CACNA1B: variants seen among roughly 807,000 people sequenced by gnomAD.
The protein encoded by CACNA1B is calcium voltage-gated channel subunit alpha1 B.
A neutral mutation model predicts 247.2 loss-of-function variants in CACNA1B; 70 were observed. The ratio of observed to expected loss-of-function variants is 0.28; its 90% CI spans 0.23 to 0.35. CACNA1B has a LOEUF of 0.35. Among genes scored for constraint, CACNA1B ranks in the 10% least tolerant of loss-of-function variants. The probability of loss-of-function intolerance (pLI) is 1.00; values close to 1 mark genes in which losing one functional copy is unlikely to be tolerated. For missense variants in CACNA1B, 2,367 were observed against 3,197.4 expected (o/e 0.74, Z 6.26); for synonymous variants, 1,231 against 1,294.4 (o/e 0.95, Z 1.05).
chr9:138,066,319 C>T (rs947930714), intron 31 of CACNA1B, among the ~76,000 whole-genome samples: 32 of 152,188 alleles, frequency 2.1e-4, no homozygotes, highest in African/African-American at 5.1e-4. Flanking sequence ...CGCTGGCTCA[C>T]GCCTGTACTC....
At chr9:137,924,628 A>C (rs960241728) in intron 6 of CACNA1B, among the ~76,000 whole-genome samples, 1 of 152,336 alleles carries the variant, frequency 6.6e-6, no homozygotes, top group South Asian at 2.1e-4. Flanking sequence ...GAGAATTGAC[A>C]TCATTACTAT....
chr9:138,084,619 C>G (rs1323445158), intron 36 of CACNA1B, among the ~76,000 whole-genome samples: 1 of 151,200 alleles, frequency 6.6e-6, no homozygotes, highest in African/African-American at 2.4e-5. Flanking sequence ...ATTTGTTTTA[C>G]CAGATGTACA....
chr9:137,986,881 G>T lies in CACNA1B; in HGVS notation c.1974+27G>T, dbSNP rs199661159. The T allele has an allele frequency of 1.3e-6, 2 of 1,555,876 alleles. No individual in the cohort carries two copies. The highest frequency in any genetic ancestry group is 2.2e-5 in the East Asian group (1 of 44,456). Reference sequence around the variant, plus strand: ...TAAGGCACCTGCTCTGCACATTTGCGGCCTGCCCGGCTCCCGTCTCCCCTG... The same window carrying T: ...TAAGGCACCTGCTCTGCACATTTGCTGCCTGCCCGGCTCCCGTCTCCCCTG... On this transcript the variant is annotated intron_variant, in intron 15 of 46. Transcript: ENST00000371372. The surrounding 1 kb of genome is among the most constrained non-coding windows in gnomAD (Gnocchi z 6.0).
chr9:137,942,921 C>T (rs1416201427), intron 6 of CACNA1B, among the ~76,000 whole-genome samples: 5 of 152,136 alleles, frequency 3.3e-5, no homozygotes, highest in East Asian at 1.9e-4. Context: ...AAAGAACTTA[C>T]GCATGTAACC....
At chr9:138,112,815 C>T (rs1961689195) in intron 40 of CACNA1B, among the ~76,000 whole-genome samples, 1 of 152,210 alleles carries the variant, frequency 6.6e-6, no homozygotes, top group Non-Finnish European at 1.5e-5. Context: ...CCAACTCCAT[C>T]TTGTGAGAGA....
At chr9:138,094,442 T>TAAAAAAAAA (rs753995157) in intron 36 of CACNA1B, among the ~76,000 whole-genome samples, 14 of 93,696 alleles carry the variant, frequency 1.5e-4, no homozygotes, top group Admixed American at 3.4e-4. Context: ...TTTACTACAG[T>TAAAAAAAAA]AAAAAAAAAA....
intron 35 of CACNA1B, among the ~76,000 whole-genome samples, chr9:138,077,418 A>G (rs1291570872): frequency 6.6e-6 from 1 of 152,040 alleles, no homozygotes; most frequent in Non-Finnish European, 1.5e-5. Context: ...TGGAACCGAG[A>G]TGGGGGTGAA....
intron 3 of CACNA1B, among the ~76,000 whole-genome samples, chr9:137,909,316 C>G (rs916468347): frequency 1.3e-5 from 2 of 152,038 alleles, no homozygotes; most frequent in Non-Finnish European, 2.9e-5. Flanking sequence ...TTTTATTGCC[C>G]CAAACAGAAA....
chr9:138,020,689 C>T lies in CACNA1B; in HGVS notation c.2268-2322C>T, dbSNP rs983162694. On this transcript the variant is annotated intron_variant, in intron 18 of 46. Coordinates refer to ENST00000371372, the MANE Select transcript of CACNA1B (RefSeq NM_000718.4). The surrounding 1 kb of genome is among the most constrained non-coding windows in gnomAD (Gnocchi z 4.1). ...TGCGGGGGGCGGGCAGGTGCCCTAG[C>T]GTAGGCTGCTCAGCATGTTGCTCTG... Among the ~76,000 whole-genome samples the T allele has an allele frequency of 1.2e-4, 19 of 152,138 alleles. No individual in the cohort carries two copies. The highest frequency in any genetic ancestry group is 3.1e-4 in the African/African-American group (13 of 41,422).
intron 26 of CACNA1B, among the ~76,000 whole-genome samples, chr9:138,055,837 C>T (rs1355739751): frequency 4.6e-5 from 7 of 152,026 alleles, no homozygotes; most frequent in Non-Finnish European, 1.0e-4. Context: ...CCAGCCTGGT[C>T]AAAATAGTGA....
intron 10 of CACNA1B, among the ~76,000 whole-genome samples, chr9:137,967,827 G>A (rs965842407): frequency 1.3e-5 from 2 of 152,078 alleles, no homozygotes; most frequent in Admixed American, 6.6e-5. Flanking sequence ...GCTTCCCTCC[G>A]TTTGTCTCAT....
intron 19 of CACNA1B, among the ~76,000 whole-genome samples, chr9:138,024,504 C>G (rs1056999943): frequency 5.3e-5 from 8 of 152,210 alleles, no homozygotes; most frequent in African/African-American, 1.9e-4. Context: ...GGACTAAAGA[C>G]ACGGAGGTGT....
At chr9:137,886,315 A>AGCTCTTAAGGACCTCAGGCCAC (rs1380684465) in intron 3 of CACNA1B, among the ~76,000 whole-genome samples, 21 of 151,980 alleles carry the variant, frequency 1.4e-4, no homozygotes, top group Admixed American at 7.9e-4. Context: ...GCTAGGGCGC[A>AGCTCTTAAGGACCTCAGGCCAC]GCTCTTAAGG....
intron 10 of CACNA1B, among the ~76,000 whole-genome samples, chr9:137,966,981 A>ATT (rs1261295213): frequency 3.6e-4 from 49 of 136,396 alleles, no homozygotes; most frequent in East Asian, 9.7e-4. Flanking sequence ...TTTTTTTTAA[A>ATT]AAAAAAACCC....
chr9:138,121,863 C>G lies in CACNA1B; in HGVS notation c.6884C>G (p.Ser2295Cys), dbSNP rs962086885. Residue 2295 changes from serine (S) to cysteine (C), a missense_variant, in exon 47 of 47, where the codon TCC (serine) becomes TGC (cysteine). Ser to Cys is a moderately radical substitution (Grantham distance 112, BLOSUM62 -1). This residue lies in a region of CACNA1B where 773 missense variants were observed against 779.4 expected (regional missense o/e 0.99). Coordinates refer to ENST00000371372, the MANE Select transcript of CACNA1B (RefSeq NM_000718.4). The surrounding 1 kb of genome is among the most constrained non-coding windows in gnomAD (Gnocchi z 6.8). Reference sequence around the variant, plus strand: ...AACTCGGGCCGCTCCTCCAGGACTTCCTACGTGTCCTCCCTGACCTCCCAG... The same window carrying G: ...AACTCGGGCCGCTCCTCCAGGACTTGCTACGTGTCCTCCCTGACCTCCCAG... ...ATNSGRSSRT[S>C]YVSSLTSQSH... 3.1e-6 allele frequency: 5 copies of G among 1,613,392 alleles called. No homozygotes were observed. Among genetic ancestry groups the G allele is most frequent in the Non-Finnish European group, 4.2e-6 (5 of 1,179,890 alleles).
chr9:137,913,181 A>T lies in CACNA1B; in HGVS notation c.532A>T (p.Ile178Phe), dbSNP rs761951573. Residue 178 changes from isoleucine (I) to phenylalanine (F), a missense_variant and splice_region_variant, in exon 4 of 47, where the codon ATC becomes TTC. This residue lies in a region of CACNA1B where 130 missense variants were observed against 338.7 expected (regional missense o/e 0.38). Coordinates refer to ENST00000371372, the MANE Select transcript of CACNA1B (RefSeq NM_000718.4). The surrounding 1 kb of genome is among the most constrained non-coding windows in gnomAD (Gnocchi z 5.2). ...VMDFVVVLTG[I>F]LATAGTDFDL... ...CCTTCTTCTCCTTGTTTCTGCCAGG[A>T]TCCTTGCCACGGCTGGAACTGACTT... The T allele has an allele frequency of 6.2e-7, 1 of 1,613,532 alleles. No individual in the cohort carries two copies. The highest frequency in any genetic ancestry group is 8.5e-7 in the Non-Finnish European group (1 of 1,179,664).
chr9:138,013,441 C>G (rs1219707545), intron 18 of CACNA1B, among the ~76,000 whole-genome samples: 1 of 152,096 alleles, frequency 6.6e-6, no homozygotes, highest in African/African-American at 2.4e-5. Context: ...CAGGGTGTGG[C>G]CAGGCACAGC....
At chr9:138,114,878 G>C (rs1417559299) in intron 41 of CACNA1B, among the ~76,000 whole-genome samples, 2 of 152,134 alleles carry the variant, frequency 1.3e-5, no homozygotes, top group African/African-American at 4.8e-5. Context: ...AATTCAGATA[G>C]GTACAGGATC....
chr9:138,053,085 C>T (rs745559482), intron 25 of CACNA1B, among the ~76,000 whole-genome samples: 4 of 152,246 alleles, frequency 2.6e-5, no homozygotes, highest in African/African-American at 4.8e-5. Flanking sequence ...ACAGAGCACA[C>T]GTGTTCCTGT....
Sources: allele counts gnomAD v4.1 joint callset (sites outside exome capture counted in the v4.1 genomes callset), GRCh38; gene constraint gnomAD v4.1.1; regional missense constraint gnomAD v4.1.1; non-coding constraint Gnocchi (gnomAD v3.1); transcripts MANE v1.5; gene names NCBI Gene and HGNC (gene_info 2026-07-23, HGNC 2026-07-21).